VPS13B: variants seen among roughly 807,000 people sequenced by gnomAD.
VPS13B encodes vacuolar protein sorting 13 homolog B.
Under a neutral mutation model 426.4 loss-of-function variants are expected in VPS13B, and 285 were observed. That is an observed-to-expected ratio of 0.67 (90% CI 0.61 to 0.74). The LOEUF is 0.74. Among genes scored for constraint, VPS13B ranks in the 30% least tolerant of loss-of-function variants. VPS13B has a pLI of 0.00. For synonymous variants in VPS13B, 1,676 were observed against 1,676.4 expected (o/e 1.00, Z 0.01); for missense variants, 4,537 against 4,782.6 (o/e 0.95, Z 1.51).
At position 99,683,755 on chromosome 8, in the gene VPS13B, G is replaced by T. The variant is rs55927706; in HGVS notation, c.6047-15770G>T. On this transcript the variant is annotated intron_variant, in intron 35 of 61. Transcript: ENST00000357162. Reference sequence around the variant, plus strand: ...ACTTATTAATTCTGGGAGCTTTTCCGTAGATTCTTATTGGGTTTTCAACAT... The same window carrying T: ...ACTTATTAATTCTGGGAGCTTTTCCTTAGATTCTTATTGGGTTTTCAACAT... Among the ~76,000 whole-genome samples the T allele has an allele frequency of 4.0e-4, 61 of 152,252 alleles. 1 individual carries two copies. The East Asian group carries it at 0.01, about 25-fold the overall frequency.
intron 13 of VPS13B, among the ~76,000 whole-genome samples, chr8:99,147,234 C>G (rs769619053): frequency 6.6e-6 from 1 of 152,086 alleles, no homozygotes; most frequent in Non-Finnish European, 1.5e-5. Context: ...GCTTCAGCCT[C>G]CCGAGTAGCT....
At chr8:99,338,098 G>A (rs1811031456) in intron 19 of VPS13B, among the ~76,000 whole-genome samples, 1 of 151,844 alleles carries the variant, frequency 6.6e-6, no homozygotes, top group African/African-American at 2.4e-5. Context: ...TGTTTGCTGG[G>A]GCTATATACC....
At chr8:99,665,211 G>T (rs1830434655) in intron 35 of VPS13B, among the ~76,000 whole-genome samples, 1 of 152,114 alleles carries the variant, frequency 6.6e-6, no homozygotes, top group Admixed American at 6.6e-5. Flanking sequence ...GTAGATTCTG[G>T]ATATTAGCCC....
At chr8:99,040,464 A>G (rs1479349011) in intron 3 of VPS13B, among the ~76,000 whole-genome samples, 1 of 152,182 alleles carries the variant, frequency 6.6e-6, no homozygotes, top group Non-Finnish European at 1.5e-5. Flanking sequence ...ATTTGGACAA[A>G]TTATTTAGCA....
intron 17 of VPS13B, among the ~76,000 whole-genome samples, chr8:99,237,403 T>C (rs1228154607): frequency 6.6e-6 from 1 of 152,160 alleles, no homozygotes; most frequent in Non-Finnish European, 1.5e-5. Flanking sequence ...TTCAATACAT[T>C]GACAATGCAA....
chr8:99,415,340 C>G (rs1815938439), intron 21 of VPS13B, among the ~76,000 whole-genome samples: 1 of 151,892 alleles, frequency 6.6e-6, no homozygotes, highest in Non-Finnish European at 1.5e-5. Context: ...TTCTTAGCTT[C>G]CTTGCATTTG....
intron 15 of VPS13B, among the ~76,000 whole-genome samples, chr8:99,164,850 C>A (rs1030256270): frequency 1.3e-5 from 2 of 152,024 alleles, no homozygotes; most frequent in South Asian, 4.1e-4. Flanking sequence ...CTCTCTCTGT[C>A]TTTTTGACTT....
chr8:99,029,533 AG>A (rs1168961380), intron 2 of VPS13B, among the ~76,000 whole-genome samples: 3 of 151,882 alleles, frequency 2.0e-5, no homozygotes, highest in Non-Finnish European at 4.4e-5. Flanking sequence ...GCACCTTGGG[AG>A]GCCGAGGCTG....
intron 17 of VPS13B, among the ~76,000 whole-genome samples, chr8:99,270,677 C>T (rs1028554602): frequency 3.3e-5 from 5 of 152,114 alleles, no homozygotes; most frequent in South Asian, 4.1e-4. Flanking sequence ...ACACCATCAA[C>T]GACTCTTTAG....
rs143579730 is a variant in VPS13B, at chr8:99,442,265, A to G, written c.3211-136A>G. 159 of 728,502 alleles carry G rather than the reference A, an allele frequency of 2.2e-4. 2 individuals are homozygous for G. The African/African-American group carries it at 2.4e-3, about 11-fold the overall frequency. 45.1% of individuals were successfully genotyped at this position (728,502 alleles called of 1,614,324 possible). Reference sequence around the variant, plus strand: ...ACCTTTTCAAGTTTTTAAAATATTCATTAGTGAAAATAAGTCATAAAGACA... The same window carrying G: ...ACCTTTTCAAGTTTTTAAAATATTCGTTAGTGAAAATAAGTCATAAAGACA... On this transcript the variant is annotated intron_variant, in intron 22 of 61. Transcript: ENST00000357162.
intron 12 of VPS13B, among the ~76,000 whole-genome samples, chr8:99,141,163 A>G (rs971843416): frequency 4.6e-5 from 7 of 152,240 alleles, no homozygotes; most frequent in African/African-American, 1.7e-4. Context: ...AGGGCAGCCA[A>G]ACATTCAGGG....
At chr8:99,787,285 AAC>A (rs74349375) in intron 43 of VPS13B, among the ~76,000 whole-genome samples, 6,950 of 152,248 alleles carry the variant, frequency 0.046, 163 homozygotes, top group African/African-American at 0.061. Flanking sequence ...GATGAAGAGA[AAC>A]ATGGACACAA....
intron 19 of VPS13B, among the ~76,000 whole-genome samples, chr8:99,342,652 C>G (rs1035789876): frequency 1.3e-5 from 2 of 152,090 alleles, no homozygotes; most frequent in African/African-American, 4.8e-5. Flanking sequence ...CCGTTGATAG[C>G]CAGTTAGGCT....
intron 3 of VPS13B, among the ~76,000 whole-genome samples, chr8:99,084,163 A>C (rs534182730): frequency 1.3e-5 from 2 of 152,130 alleles, no homozygotes; most frequent in South Asian, 4.2e-4. Context: ...CAGAGATTCA[A>C]CTTCTTCCTG....
chr8:99,506,778 G>T (rs1234448060), intron 27 of VPS13B, among the ~76,000 whole-genome samples: 1 of 152,160 alleles, frequency 6.6e-6, no homozygotes, highest in Non-Finnish European at 1.5e-5. Context: ...GATTGCTTGA[G>T]CCCAGGAGTT....
rs370122219 is a variant in VPS13B at position 99,137,531 on chromosome 8, T to TAA, written c.1651+793_1651+794dup. On this transcript the variant is annotated intron_variant, in intron 12 of 61. Transcript: ENST00000357162. ...TAGTATAGAGAACTAGAAGTGTGGG[T>TAA]AAAAAAAAAAAAAAATGACAACTTT... is the stretch of plus-strand genomic sequence containing the variant. Among the ~76,000 whole-genome samples the TAA allele has an allele frequency of 1.9e-3, 254 of 137,172 alleles. 1 individual carries two copies. The highest frequency in any genetic ancestry group is 3.4e-3 in the Non-Finnish European group (211 of 62,852). The allele number at this position is 137,172 out of a possible 152,430, so 90.0% of individuals were successfully genotyped here.
At chr8:99,806,395 C>T (rs1022805534) in intron 43 of VPS13B, among the ~76,000 whole-genome samples, 1 of 152,190 alleles carries the variant, frequency 6.6e-6, no homozygotes, top group African/African-American at 2.4e-5. Flanking sequence ...TGAGACCCAG[C>T]TGCTTCCCAA....
intron 33 of VPS13B, among the ~76,000 whole-genome samples, chr8:99,629,982 C>T (rs1588566886): frequency 2.0e-5 from 3 of 152,120 alleles, no homozygotes; most frequent in Admixed American, 6.6e-5. Flanking sequence ...TAGAGTTCTC[C>T]ATTGTGCATA....
At chr8:99,127,015 A>C (rs193189806) in intron 8 of VPS13B, among the ~76,000 whole-genome samples, 6 of 152,022 alleles carry the variant, frequency 3.9e-5, no homozygotes, top group Admixed American at 3.9e-4. Context: ...GGATTGCTTG[A>C]GCTGGAGGGG....
Sources: gnomAD v4.1 joint callset for allele counts (sites outside exome capture counted in the v4.1 genomes callset) on GRCh38, gnomAD v4.1.1 for gene constraint, MANE v1.5 for transcripts, NCBI Gene and HGNC (gene_info 2026-07-23, HGNC 2026-07-21) for gene names.